The following PKHD1 variants were observed in gnomAD, a reference collection of about 807,000 sequenced individuals.
The protein encoded by PKHD1 is fibrocystin.
In PKHD1, 291 loss-of-function variants were observed where a neutral mutation model predicts 412.0. The observed-to-expected ratio is 0.71, with a 90% CI of 0.64 to 0.78. The LOEUF (loss-of-function observed/expected upper bound fraction) is 0.78. Ranked by LOEUF, PKHD1 falls within the 30% of genes least tolerant of loss-of-function variation. The probability of loss-of-function intolerance (pLI) is 0.00; values close to 1 mark genes in which losing one functional copy is unlikely to be tolerated. For synonymous variants in PKHD1, 1,777 were observed against 1,821.5 expected, an observed-to-expected ratio of 0.98 and a Z score of 0.62; for missense variants, 4,825 against 4,950.7, an observed-to-expected ratio of 0.97 and a Z score of 0.76.
chr6:51,796,003 C>G (rs1028882140), intron 52 of PKHD1, among the ~76,000 whole-genome samples: 4 of 152,090 alleles, frequency 2.6e-5, no homozygotes, highest in African/African-American at 9.7e-5. Context: ...GTTTTAGTAT[C>G]AGGATGATGC....
At chr6:52,084,816 A>C (rs570029600) in intron 2 of PKHD1, 66 bp downstream of exon 2, 1 of 1,009,408 alleles carries the variant, frequency 9.9e-7, no homozygotes, top group Admixed American at 1.7e-5. Flanking sequence ...TTAAGTTTCA[A>C]TAATAGTTCT....
chr6:51,761,485 C>A (rs909101140), intron 55 of PKHD1, among the ~76,000 whole-genome samples: 1 of 151,982 alleles, frequency 6.6e-6, no homozygotes, highest in Non-Finnish European at 1.5e-5. Context: ...AATACAAAAT[C>A]TCAGTTAGAT....
At position 51,903,832 on chromosome 6, in the gene PKHD1, C is replaced by CATATATATATATATATATATATATAT. The variant is rs66966800; in HGVS notation, c.6865+128_6866-106dup. ...ACATCAGAGTTCACATAATGCATTTCATATATATATATATATATATATATA... is the reference window on the plus strand; with the variant it reads ...ACATCAGAGTTCACATAATGCATTTCATATATATATATATATATATATATATATATATATATATATATATATATATA... On this transcript the variant is annotated intron_variant, in intron 42 of 66. Coordinates refer to ENST00000371117, the MANE Select transcript of PKHD1 (RefSeq NM_138694.4). 7.2e-6 allele frequency: 3 copies of CATATATATATATATATATATATATAT among 417,298 alleles called. No homozygotes were observed. The African/African-American group carries it at 7.6e-5, about 11-fold the overall frequency. 25.8% of individuals were successfully genotyped at this position (417,298 alleles called of 1,614,324 possible).
At chr6:51,680,879 T>C (rs1215206921) in intron 60 of PKHD1, among the ~76,000 whole-genome samples, 1 of 151,984 alleles carries the variant, frequency 6.6e-6, no homozygotes, top group Non-Finnish European at 1.5e-5. Flanking sequence ...GAAAGGGTGT[T>C]AACTGAGGGT....
At position 52,054,250 on chromosome 6, in the gene PKHD1, A is replaced by G. The variant is rs900351079; in HGVS notation, c.1837-85T>C. Reference sequence around the variant, plus strand: ...TACGTAGTGAGGAGTCCACATCCCTAGAACCCTGCCATAGGCTCTGAGAGA... The same window carrying G: ...TACGTAGTGAGGAGTCCACATCCCTGGAACCCTGCCATAGGCTCTGAGAGA... On this transcript the variant is annotated intron_variant, in intron 19 of 66. Coordinates refer to ENST00000371117, the MANE Select transcript of PKHD1 (RefSeq NM_138694.4). The G allele has an allele frequency of 1.4e-5, 19 of 1,335,662 alleles. No individual in the cohort carries two copies. In the Admixed American group the frequency reaches 3.2e-4, roughly 23 times the overall value. The allele number at this position is 1,335,662 out of a possible 1,614,324, so 82.7% of individuals were successfully genotyped here.
intron 60 of PKHD1, chr6:51,720,960 T>A: frequency 1.0e-6 from 1 of 982,264 alleles, no homozygotes; most frequent in Non-Finnish European, 1.2e-6. Context: ...ATTGACTTTA[T>A]GAAGGAAAAG....
intron 53 of PKHD1, among the ~76,000 whole-genome samples, chr6:51,789,177 T>TAC (rs1248935622): frequency 6.6e-6 from 1 of 152,206 alleles, no homozygotes; most frequent in African/African-American, 2.4e-5. Flanking sequence ...AAATGGGGTG[T>TAC]ACAAATTTGT....
At chr6:51,961,192 CA>C (rs757328263) in intron 35 of PKHD1, among the ~76,000 whole-genome samples, 1 of 152,054 alleles carries the variant, frequency 6.6e-6, no homozygotes. Context: ...CCGACAACTA[CA>C]CCTACACAGA....
chr6:51,718,602 G>A (rs923515096), intron 60 of PKHD1, among the ~76,000 whole-genome samples: 1 of 152,176 alleles, frequency 6.6e-6, no homozygotes, highest in African/African-American at 2.4e-5. Context: ...GGCACAGAGA[G>A]ATTATACCAC....
rs1215839309 is a variant in PKHD1 at position 51,659,741 on chromosome 6, A to G, written c.10385T>C (p.Ile3462Thr). The G allele has an allele frequency of 1.2e-6, 2 of 1,613,806 alleles. No homozygotes were observed. Among genetic ancestry groups the G allele is most frequent in the Non-Finnish European group, 1.7e-6 (2 of 1,179,840 alleles). Reference protein sequence around the residue: ...TSGSVSTFYSILPIRQITKVC... With the variant: ...TSGSVSTFYSTLPIRQITKVC... The stretch of plus-strand genomic sequence containing the variant: ...TTTGGTGATTTGCCTGATGGGTAAG[A>G]TAGAATAGAAAGTAGACACTGACCC... The change falls in exon 61 of 67, where the codon ATC (isoleucine) becomes ACC (threonine). Residue 3462 changes from isoleucine to threonine, a missense_variant. Coordinates refer to ENST00000371117, the MANE Select transcript of PKHD1 (RefSeq NM_138694.4).
At chr6:52,006,786 C>T (rs1050223617) in intron 35 of PKHD1, among the ~76,000 whole-genome samples, 2 of 152,082 alleles carry the variant, frequency 1.3e-5, no homozygotes, top group Admixed American at 6.6e-5. Flanking sequence ...TTGGTGCATC[C>T]ATCACCGGAG....
chr6:52,011,585 G>T (rs1799834189), intron 34 of PKHD1, among the ~76,000 whole-genome samples: 1 of 152,210 alleles, frequency 6.6e-6, no homozygotes, highest in Admixed American at 6.5e-5. Flanking sequence ...AGACCAGGAA[G>T]GGTGGAGAGA....
At chr6:51,713,000 T>C (rs1200712625) in intron 60 of PKHD1, among the ~76,000 whole-genome samples, 2 of 152,204 alleles carry the variant, frequency 1.3e-5, no homozygotes, top group African/African-American at 4.8e-5. Flanking sequence ...TATCTCCAGC[T>C]GAGAGGTTAA....
intron 55 of PKHD1, among the ~76,000 whole-genome samples, chr6:51,761,411 A>G (rs1787989338): frequency 6.6e-6 from 1 of 152,102 alleles, no homozygotes; most frequent in Admixed American, 6.6e-5. Flanking sequence ...AATGCAGGTT[A>G]CCAGAGGCTG....
chr6:51,707,501 T>A (rs1780147341), intron 60 of PKHD1, among the ~76,000 whole-genome samples: 1 of 152,160 alleles, frequency 6.6e-6, no homozygotes, highest in South Asian at 2.1e-4. Context: ...GTCTACTGAC[T>A]TATCCTCATG....
intron 17 of PKHD1, 21 bp downstream of exon 17, chr6:52,056,869 T>C: frequency 6.2e-7 from 1 of 1,603,138 alleles, no homozygotes; most frequent in Non-Finnish European, 8.5e-7. Flanking sequence ...CCCTCCCTCA[T>C]TTTTTGAAGA....
chr6:51,959,860 C>T lies in PKHD1; in HGVS notation c.5908+10G>A, dbSNP rs759597718. 1 of 1,611,734 alleles carries T rather than the reference C, an allele frequency of 6.2e-7. No individual in the cohort carries two copies. The highest frequency in any genetic ancestry group is 1.1e-5 in the South Asian group (1 of 91,024). Reference sequence around the variant, plus strand: ...TAGAATAATATTACCAACCTACAAACTTCACACACCTTTAATGTGCAGTAA... The same window carrying T: ...TAGAATAATATTACCAACCTACAAATTTCACACACCTTTAATGTGCAGTAA... On this transcript the variant is annotated intron_variant, in intron 36 of 66. Coordinates refer to ENST00000371117, the MANE Select transcript of PKHD1 (RefSeq NM_138694.4).
chr6:52,016,994 A>G (rs562046674), intron 34 of PKHD1, among the ~76,000 whole-genome samples: 6 of 152,262 alleles, frequency 3.9e-5, no homozygotes, highest in African/African-American at 1.4e-4. Context: ...ACATTGTACA[A>G]TCTGCTGGAT....
At chr6:51,968,757 G>A (rs772400175) in intron 35 of PKHD1, among the ~76,000 whole-genome samples, 1 of 152,150 alleles carries the variant, frequency 6.6e-6, no homozygotes, top group Non-Finnish European at 1.5e-5. Context: ...GAAACACATG[G>A]AGCCCAGAAA....
Sources: gnomAD v4.1 joint callset for allele counts (sites outside exome capture counted in the v4.1 genomes callset) on GRCh38, gnomAD v4.1.1 for gene constraint, MANE v1.5 for transcripts, NCBI Gene and HGNC (gene_info 2026-07-23, HGNC 2026-07-21) for gene names.